Variants in CHD7 observed in about 807,000 individuals in gnomAD.
CHD7 encodes chromodomain helicase DNA binding protein 7, also known as ATP-dependent chromatin remodeler CHD7.
A neutral mutation model predicts 307.3 loss-of-function variants in CHD7; 24 were observed. The ratio of observed to expected loss-of-function variants is 0.08; its 90% CI spans 0.06 to 0.11. The LOEUF is 0.11. Among genes scored for constraint, CHD7 ranks in the 10% least tolerant of loss-of-function variants. The pLI is 1.00. For missense variants in CHD7, 3,106 were observed against 3,727.1 expected (o/e 0.83, Z 4.34); for synonymous variants, 1,363 against 1,349.9 (o/e 1.01, Z -0.21).
chr8:60,834,814 T>A (rs748688361), intron 15 of CHD7, among the ~76,000 whole-genome samples: 2 of 152,224 alleles, frequency 1.3e-5, no homozygotes, highest in Non-Finnish European at 2.9e-5. Flanking sequence ...CATGCAGCCT[T>A]AAAGTACAGA....
chr8:60,843,122 A>C (rs1248579392), intron 21 of CHD7, among the ~76,000 whole-genome samples: 2 of 152,074 alleles, frequency 1.3e-5, no homozygotes, highest in Non-Finnish European at 2.9e-5. Flanking sequence ...TCCCTCTTTC[A>C]GTTTGCAGCT....
At chr8:60,746,766 C>T (rs1348403756) in intron 2 of CHD7, among the ~76,000 whole-genome samples, 3 of 152,014 alleles carry the variant, frequency 2.0e-5, no homozygotes, top group African/African-American at 7.2e-5. Flanking sequence ...AATGTTAGAA[C>T]AAAAAGGCCA....
chr8:60,773,186 C>A (rs72650492), intron 2 of CHD7, among the ~76,000 whole-genome samples: 4,018 of 152,294 alleles, frequency 0.026, 80 homozygotes, highest in Non-Finnish European at 0.042. Flanking sequence ...CCTGGGAGAT[C>A]TAGGAAGTTA....
intron 1 of CHD7, among the ~76,000 whole-genome samples, chr8:60,715,504 A>G (rs1481716534): frequency 6.6e-6 from 1 of 151,936 alleles, no homozygotes; most frequent in East Asian, 1.9e-4. Flanking sequence ...GTTTTAGTAG[A>G]GACAGATTTT....
chr8:60,859,110 T>C (rs1054971563), intron 34 of CHD7, among the ~76,000 whole-genome samples: 23 of 152,156 alleles, frequency 1.5e-4, no homozygotes, highest in African/African-American at 5.3e-4. Context: ...GAATTCCTAA[T>C]TGAAGTTAGA....
At chr8:60,809,598 G>A (rs890284061) in intron 7 of CHD7, 4 of 146,388 alleles carry the variant, frequency 2.7e-5, no homozygotes, top group African/African-American at 1.0e-4. Context: ...TTCCTGACCA[G>A]GTGCCAGTGC....
intron 1 of CHD7, among the ~76,000 whole-genome samples, chr8:60,712,076 A>AGT (rs1807306557): frequency 6.6e-6 from 1 of 152,270 alleles, no homozygotes; most frequent in South Asian, 2.1e-4. Context: ...TAGTTGGTTT[A>AGT]AGAAGGTTAT....
intron 37 of CHD7, chr8:60,863,244 C>T (rs1806087589): frequency 6.6e-6 from 1 of 151,738 alleles, no homozygotes; most frequent in Non-Finnish European, 1.5e-5. Context: ...CTCACACCGT[C>T]CTTTCCCCGA....
chr8:60,840,031 A>G (rs1375608820), intron 19 of CHD7, among the ~76,000 whole-genome samples: 1 of 152,190 alleles, frequency 6.6e-6, no homozygotes, highest in Non-Finnish European at 1.5e-5. Flanking sequence ...CATATGTTAT[A>G]TGATCTTTTG....
rs919299375 is a variant in CHD7 at position 60,732,542 on chromosome 8, T to C, written c.-174-8717T>C. 3.3e-5 allele frequency among the ~76,000 whole-genome samples: 5 copies of C among 152,318 alleles called. No homozygotes were observed. The South Asian group carries it at 1.0e-3, about 32-fold the overall frequency. On this transcript the variant is annotated intron_variant, in intron 1 of 37. Transcript: ENST00000423902. ...GTTCCACCCTCACTTTTTGTAGGCT[T>C]GACATCACCTGGAGCTTCTGTGTGT...
At chr8:60,763,525 T>C (rs1425665696) in intron 2 of CHD7, among the ~76,000 whole-genome samples, 1 of 151,456 alleles carries the variant, frequency 6.6e-6, no homozygotes, top group Non-Finnish European at 1.5e-5. Flanking sequence ...ACTAGATGAG[T>C]GGTGACCTCC....
rs993172335 is a variant in CHD7 at position 60,702,568 on chromosome 8, T to C, written c.-175+23486T>C. On this transcript the variant is annotated intron_variant, in intron 1 of 37. Transcript: ENST00000423902. Reference sequence around the variant, plus strand: ...GCCTGTGAGAAGGTGGAGACTGTGATCTTGGTTGTAAACTTAAAAACGAAA... The same window carrying C: ...GCCTGTGAGAAGGTGGAGACTGTGACCTTGGTTGTAAACTTAAAAACGAAA... Among the ~76,000 whole-genome samples, 4 of 152,332 alleles carry C rather than the reference T, an allele frequency of 2.6e-5. No homozygotes were observed. In the East Asian group the frequency reaches 5.8e-4, roughly 22 times the overall value.
At chr8:60,701,769 T>A (rs2150508519) in intron 1 of CHD7, among the ~76,000 whole-genome samples, 1 of 152,380 alleles carries the variant, frequency 6.6e-6, no homozygotes, top group Admixed American at 6.5e-5. Context: ...TATGAAATAT[T>A]TTTAACCTTC....
chr8:60,772,051 G>A (rs1810738531), intron 2 of CHD7, among the ~76,000 whole-genome samples: 3 of 152,180 alleles, frequency 2.0e-5, no homozygotes, highest in African/African-American at 7.2e-5. Context: ...TAGAGATAAT[G>A]GGGCCATCTT....
intron 19 of CHD7, among the ~76,000 whole-genome samples, chr8:60,840,990 C>T (rs1227028038): frequency 6.6e-6 from 1 of 152,214 alleles, no homozygotes; most frequent in African/African-American, 2.4e-5. Context: ...ACAGTGGCTT[C>T]TTCTGCTGTG....
chr8:60,757,227 C>T (rs1809944838), intron 2 of CHD7, among the ~76,000 whole-genome samples: 1 of 152,094 alleles, frequency 6.6e-6, no homozygotes, highest in Non-Finnish European at 1.5e-5. Context: ...CCTGTAGGCC[C>T]TTGTGGTTAG....
At chr8:60,839,657 T>C (rs1441133877) in intron 19 of CHD7, among the ~76,000 whole-genome samples, 1 of 152,238 alleles carries the variant, frequency 6.6e-6, no homozygotes, top group Non-Finnish European at 1.5e-5. Context: ...TGTGAGGTCA[T>C]ATCCCACTCT....
intron 1 of CHD7, among the ~76,000 whole-genome samples, chr8:60,730,580 G>A (rs1266044056): frequency 6.6e-6 from 1 of 152,198 alleles, no homozygotes; most frequent in Non-Finnish European, 1.5e-5. Flanking sequence ...TTAAATGGAG[G>A]CCGGGCGTGG....
chr8:60,723,318 C>T (rs1195686847), intron 1 of CHD7, among the ~76,000 whole-genome samples: 2 of 151,982 alleles, frequency 1.3e-5, no homozygotes, highest in African/African-American at 4.8e-5. Flanking sequence ...AAATGTTTGC[C>T]AAATACTCAA....
Sources: gnomAD v4.1 joint callset for allele counts (sites outside exome capture counted in the v4.1 genomes callset) on GRCh38, gnomAD v4.1.1 for gene constraint, MANE v1.5 for transcripts, NCBI Gene and HGNC (gene_info 2026-07-23, HGNC 2026-07-21) for gene names.